The following PDS5A variants were observed in gnomAD, a reference collection of about 807,000 sequenced individuals.
PDS5A encodes the protein sister chromatid cohesion protein PDS5 homolog A.
PDS5A carries 42 observed loss-of-function variants against 167.1 expected under a neutral mutation model. That is an observed-to-expected ratio of 0.25 (90% CI 0.20 to 0.33). The LOEUF is 0.33. PDS5A is among the 10% of genes least tolerant of loss of function. The pLI is 1.00. For missense variants in PDS5A, 1,033 were observed against 1,605.9 expected, an observed-to-expected ratio of 0.64 and a Z score of 6.10; for synonymous variants, 553 against 554.6, an observed-to-expected ratio of 1.00 and a Z score of 0.04.
At chr4:39,905,695 A>G (rs907190946) in intron 11 of PDS5A, among the ~76,000 whole-genome samples, 2 of 152,192 alleles carry the variant, frequency 1.3e-5, no homozygotes, top group Admixed American at 6.5e-5. Context: ...AAACAGAGAT[A>G]ATACAGGCAG....
At chr4:39,881,650 C>T (rs1720938972) in intron 17 of PDS5A, among the ~76,000 whole-genome samples, 1 of 152,154 alleles carries the variant, frequency 6.6e-6, no homozygotes, top group Non-Finnish European at 1.5e-5. Context: ...AACATCCCAT[C>T]ACTATCCTAA....
intron 32 of PDS5A, among the ~76,000 whole-genome samples, chr4:39,826,301 GAGA>G (rs903341063): frequency 2.3e-4 from 35 of 151,776 alleles, no homozygotes; most frequent in East Asian, 5.8e-4. Flanking sequence ...TCCTCTTTGG[GAGA>G]AGGAGGAACT....
Position 39,974,434 on chromosome 4 carries a change from TAA to T in PDS5A, c.138+2004_138+2005del, listed in dbSNP as rs1425397251. The stretch of plus-strand genomic sequence containing the variant: ...AAATATTAACGATCCATCAATTGTT[TAA>T]GTTTTATATTTCATAATTTCTCACT... On this transcript the variant is annotated intron_variant, in intron 2 of 32. Coordinates refer to ENST00000303538, the MANE Select transcript of PDS5A (RefSeq NM_001100399.2). 4 of 312,760 alleles carry T rather than the reference TAA, an allele frequency of 1.3e-5. No individual in the cohort carries two copies. The East Asian group carries it at 2.5e-4, about 20-fold the overall frequency. 19.4% of individuals were successfully genotyped at this position (312,760 alleles called of 1,614,324 possible).
intron 28 of PDS5A, 113 bp downstream of exon 28, chr4:39,848,738 G>T: frequency 1.1e-6 from 1 of 938,614 alleles, no homozygotes; most frequent in Non-Finnish European, 1.6e-6. Flanking sequence ...GATAAACCCA[G>T]ATTTTTTCTT....
At chr4:39,927,696 G>A (rs891242545) in intron 3 of PDS5A, among the ~76,000 whole-genome samples, 2 of 152,188 alleles carry the variant, frequency 1.3e-5, no homozygotes, top group Non-Finnish European at 2.9e-5. Flanking sequence ...GGGCTTTTGT[G>A]ATGAATTAGC....
At chr4:39,874,532 T>C (rs1174136331) in intron 19 of PDS5A, 120 bp from the exon 20 acceptor site, 2 of 737,244 alleles carry the variant, frequency 2.7e-6, no homozygotes, top group Non-Finnish European at 4.4e-6. Flanking sequence ...CTCTTAAAAA[T>C]TATCTGATCT....
At chr4:39,841,900 G>T in intron 31 of PDS5A, 48 bp downstream of exon 31, 3 of 1,012,430 alleles carry the variant, frequency 3.0e-6, no homozygotes, top group Non-Finnish European at 4.7e-6. Context: ...CGGAAAAACT[G>T]TAATAATCTC....
chr4:39,840,013 G>A (rs952194544), intron 31 of PDS5A, among the ~76,000 whole-genome samples: 2 of 152,048 alleles, frequency 1.3e-5, no homozygotes, highest in Non-Finnish European at 2.9e-5. Flanking sequence ...AGAATCGCTT[G>A]AACCCAGGAG....
At chr4:39,884,341 C>T (rs946460471) in intron 17 of PDS5A, among the ~76,000 whole-genome samples, 2 of 152,204 alleles carry the variant, frequency 1.3e-5, no homozygotes, top group Non-Finnish European at 2.9e-5. Context: ...ATCCCTTTAA[C>T]ATGCTCAAGC....
chr4:39,886,260 T>A (rs908778777), intron 17 of PDS5A, among the ~76,000 whole-genome samples: 1 of 152,214 alleles, frequency 6.6e-6, no homozygotes. Flanking sequence ...GGCTCCAGCT[T>A]TTGTTCTCTT....
chr4:39,854,208 C>T (rs1578610490), intron 26 of PDS5A, among the ~76,000 whole-genome samples: 1 of 152,274 alleles, frequency 6.6e-6, no homozygotes, highest in East Asian at 1.9e-4. Flanking sequence ...GATGCTAAGG[C>T]AGGAGAATCA....
intron 32 of PDS5A, among the ~76,000 whole-genome samples, chr4:39,832,316 C>A (rs985163582): frequency 1.3e-5 from 2 of 151,464 alleles, no homozygotes; most frequent in African/African-American, 4.9e-5. Flanking sequence ...TGGGTTCATG[C>A]CATTCTCCTG....
chr4:39,906,923 A>T lies in PDS5A; in HGVS notation c.1233+1472T>A, dbSNP rs1027236008. Reference sequence around the variant, plus strand: ...CCTTTTGAGATTTCTTACATAAAAAAAAAAAAAAAAAAAAAAAAAACAAGC... The same window carrying T: ...CCTTTTGAGATTTCTTACATAAAAATAAAAAAAAAAAAAAAAAAAACAAGC... On this transcript the variant is annotated intron_variant, in intron 11 of 32. Transcript: ENST00000303538. 7.1e-3 allele frequency among the ~76,000 whole-genome samples: 1,051 copies of T among 148,178 alleles called. 7 individuals carry two copies. The highest frequency in any genetic ancestry group is 0.018 in the African/African-American group (719 of 40,032).
At chr4:39,885,818 G>A (rs975536655) in intron 17 of PDS5A, among the ~76,000 whole-genome samples, 13 of 152,038 alleles carry the variant, frequency 8.6e-5, no homozygotes, top group African/African-American at 2.7e-4. Flanking sequence ...AGCCAGTTGT[G>A]GTGGCATGTG....
chr4:39,949,298 T>C (rs1332801987), intron 2 of PDS5A, among the ~76,000 whole-genome samples: 1 of 52,538 alleles, frequency 1.9e-5, no homozygotes, highest in Non-Finnish European at 3.4e-5. Flanking sequence ...CAAGAACCTA[T>C]CTCAAAAAAA....
Position 39,955,644 on chromosome 4 carries a change from T to C in PDS5A, c.138+20796A>G, listed in dbSNP as rs549367880. 1.1e-4 allele frequency among the ~76,000 whole-genome samples: 16 copies of C among 151,330 alleles called. No homozygotes were observed. The East Asian group carries it at 1.8e-3, about 17-fold the overall frequency. ...CAAACAAATGTACCACTCTGGAAGG[T>C]GACTGAGGGGAGGCATTACTGTGGG... On this transcript the variant is annotated intron_variant, in intron 2 of 32. Transcript: ENST00000303538.
intron 2 of PDS5A, among the ~76,000 whole-genome samples, chr4:39,960,218 G>A (rs899735903): frequency 3.9e-5 from 6 of 152,090 alleles, no homozygotes; most frequent in Non-Finnish European, 7.4e-5. Flanking sequence ...GCAGTGAGCC[G>A]AAATTGTACC....
intron 16 of PDS5A, among the ~76,000 whole-genome samples, chr4:39,892,775 G>A (rs1309835300): frequency 1.3e-5 from 2 of 152,192 alleles, no homozygotes; most frequent in South Asian, 4.1e-4. Flanking sequence ...TTTTAAAAGT[G>A]TAGTCCATAA....
At chr4:39,829,694 G>A (rs6832188) in intron 32 of PDS5A, among the ~76,000 whole-genome samples, 124,302 of 150,470 alleles carry the variant, frequency 0.83, 51,437 homozygotes, top group Middle Eastern at 0.92. Context: ...GCTCACGCCT[G>A]TAATCCCGGC....
Sources: allele counts gnomAD v4.1 joint callset (sites outside exome capture counted in the v4.1 genomes callset), GRCh38; gene constraint gnomAD v4.1.1; transcripts MANE v1.5; gene names NCBI Gene and HGNC (gene_info 2026-07-23, HGNC 2026-07-21).